SLC39A12: variants seen among roughly 807,000 people sequenced by gnomAD.
SLC39A12 encodes the protein solute carrier family 39 member 12.
SLC39A12 carries 63 observed loss-of-function variants against 71.1 expected under a neutral mutation model. That is an observed-to-expected ratio of 0.89 (90% confidence interval 0.72 to 1.09). SLC39A12 has a LOEUF of 1.09. Ranked by LOEUF, SLC39A12 falls within the 50% of genes least tolerant of loss-of-function variation. SLC39A12 has a pLI of 0.00. For missense variants in SLC39A12, 892 were observed against 812.6 expected, an observed-to-expected ratio of 1.10 and a Z score of -1.19; for synonymous variants, 351 against 301.3, an observed-to-expected ratio of 1.16 and a Z score of -1.71.
chr10:17,974,483 T>C (rs1052539936), intron 4 of SLC39A12, among the ~76,000 whole-genome samples: 7 of 152,242 alleles, frequency 4.6e-5, no homozygotes, highest in Admixed American at 3.3e-4. Context: ...AGATCTGCTA[T>C]ATCTTCACCC....
At chr10:18,008,635 T>G (rs1475884603) in intron 12 of SLC39A12, 1 of 152,168 alleles carries the variant, frequency 6.6e-6, no homozygotes, top group Non-Finnish European at 1.5e-5. Context: ...CTTTCTTGTA[T>G]TCCCTGGTGC....
intron 2 of SLC39A12, among the ~76,000 whole-genome samples, chr10:17,955,960 G>T (rs1189658198): frequency 6.6e-6 from 1 of 152,120 alleles, no homozygotes; most frequent in Non-Finnish European, 1.5e-5. Flanking sequence ...AAGGAAAAGG[G>T]CCCTTTTCTG....
intron 12 of SLC39A12, among the ~76,000 whole-genome samples, chr10:18,015,981 C>T (rs1259906642): frequency 2.0e-5 from 3 of 152,048 alleles, no homozygotes; most frequent in African/African-American, 4.8e-5. Context: ...ACAACCACCC[C>T]GCTATTGACA....
rs563567774 is a variant in SLC39A12, at chr10:17,994,955, G to A, written c.1534-701G>A. ...TTTTTATAGAATTGAAATCAGAGGC[G>A]CCAAGACGGAAAATATATTTTCAGA... On this transcript the variant is annotated intron_variant, in intron 9 of 12. Coordinates refer to ENST00000377369, the MANE Select transcript of SLC39A12 (RefSeq NM_001145195.2). 4.3e-5 allele frequency among the ~76,000 whole-genome samples: 6 copies of A among 138,852 alleles called. No individual in the cohort carries two copies. The South Asian group carries it at 6.5e-4, about 15-fold the overall frequency. The allele number at this position is 138,852 out of a possible 152,430, so 91.1% of individuals were successfully genotyped here.
chr10:18,000,939 T>C, intron 11 of SLC39A12, 114 bp downstream of exon 11: 2 of 1,009,818 alleles, frequency 2.0e-6, no homozygotes. Context: ...ATGAATACTT[T>C]CCTTTTATAA....
chr10:17,956,973 C>T (rs1834566567), intron 2 of SLC39A12, among the ~76,000 whole-genome samples: 1 of 152,102 alleles, frequency 6.6e-6, no homozygotes, highest in Non-Finnish European at 1.5e-5. Context: ...TACACGTTCT[C>T]TCTTATATTT....
intron 12 of SLC39A12, among the ~76,000 whole-genome samples, chr10:18,027,249 A>T (rs1181858442): frequency 6.6e-6 from 1 of 152,190 alleles, no homozygotes; most frequent in Non-Finnish European, 1.5e-5. Flanking sequence ...GTTTCTCATT[A>T]TCCCTTCCCT....
chr10:17,956,143 C>A (rs1554847755), intron 2 of SLC39A12, among the ~76,000 whole-genome samples: 5 of 152,142 alleles, frequency 3.3e-5, no homozygotes. Flanking sequence ...AGGGAGATAT[C>A]TGTGAAAATC....
intron 6 of SLC39A12, among the ~76,000 whole-genome samples, chr10:17,981,813 A>G (rs998361493): frequency 6.6e-5 from 10 of 152,190 alleles, no homozygotes; most frequent in African/African-American, 2.4e-4. Context: ...TTATATTTGT[A>G]TATGGTTTAT....
At chr10:17,954,212 C>G (rs1416246532) in intron 2 of SLC39A12, among the ~76,000 whole-genome samples, 2 of 152,080 alleles carry the variant, frequency 1.3e-5, no homozygotes, top group African/African-American at 4.8e-5. Flanking sequence ...ATTTTACTTG[C>G]CTGGGATAGA....
chr10:17,979,758 G>A (rs1035698812), intron 5 of SLC39A12, among the ~76,000 whole-genome samples: 3 of 152,168 alleles, frequency 2.0e-5, no homozygotes, highest in Non-Finnish European at 2.9e-5. Flanking sequence ...TGTTTGAACA[G>A]CTTTATTCCA....
intron 12 of SLC39A12, among the ~76,000 whole-genome samples, chr10:18,026,981 C>G (rs2130884456): frequency 6.6e-6 from 1 of 152,202 alleles, no homozygotes; most frequent in East Asian, 1.9e-4. Flanking sequence ...AACTCCTGAT[C>G]CAATCATTTC....
intron 6 of SLC39A12, among the ~76,000 whole-genome samples, chr10:17,983,579 C>G (rs146209662): frequency 6.6e-6 from 1 of 152,134 alleles, no homozygotes; most frequent in South Asian, 2.1e-4. Context: ...GTCAGGAGTT[C>G]GAGACCAGCC....
chr10:18,042,336 G>C (rs1386569786), intron 12 of SLC39A12, among the ~76,000 whole-genome samples: 1 of 151,858 alleles, frequency 6.6e-6, no homozygotes, highest in Non-Finnish European at 1.5e-5. Context: ...AAAATTAGCT[G>C]GGTGCAATGG....
chr10:17,999,530 A>G (rs1052384601), intron 10 of SLC39A12, among the ~76,000 whole-genome samples: 2 of 152,162 alleles, frequency 1.3e-5, no homozygotes, highest in African/African-American at 4.8e-5. Flanking sequence ...CAACTCTACA[A>G]TTGAGTTATG....
At chr10:17,965,877 G>A (rs1834813723) in intron 4 of SLC39A12, among the ~76,000 whole-genome samples, 187 bp downstream of exon 4, 4 of 152,218 alleles carry the variant, frequency 2.6e-5, no homozygotes, top group African/African-American at 4.8e-5. Context: ...AAGCTATGCG[G>A]TGATGAGGCA....
chr10:17,972,308 C>T (rs1246466246), intron 4 of SLC39A12, among the ~76,000 whole-genome samples: 3 of 152,148 alleles, frequency 2.0e-5, no homozygotes, highest in African/African-American at 7.2e-5. Context: ...GTTTATTCTG[C>T]AGCTGTTGGA....
At chr10:17,979,492 A>G (rs1205726244) in intron 5 of SLC39A12, among the ~76,000 whole-genome samples, 2 of 152,232 alleles carry the variant, frequency 1.3e-5, no homozygotes, top group Non-Finnish European at 2.9e-5. Context: ...GTATTATGAA[A>G]CTATCATCAA....
intron 7 of SLC39A12, 44 bp downstream of exon 7, chr10:17,987,695 T>C: frequency 3.7e-6 from 6 of 1,603,566 alleles, no homozygotes; most frequent in Non-Finnish European, 5.1e-6. Flanking sequence ...ACTTCATTGC[T>C]CTTCACTTTT....
Sources: allele counts gnomAD v4.1 joint callset (sites outside exome capture counted in the v4.1 genomes callset), GRCh38; gene constraint gnomAD v4.1.1; transcripts MANE v1.5; gene names NCBI Gene and HGNC (gene_info 2026-07-23, HGNC 2026-07-21).